USP8: variants seen among roughly 807,000 people sequenced by gnomAD.
USP8 encodes ubiquitin carboxyl-terminal hydrolase 8.
In USP8, 27 loss-of-function variants were observed where a neutral mutation model predicts 130.0. That is an observed-to-expected ratio of 0.21 (90% CI 0.15 to 0.29). The LOEUF is 0.29. Among genes scored for constraint, USP8 ranks in the 10% least tolerant of loss-of-function variants. The pLI, the probability that USP8 is intolerant of heterozygous loss-of-function variation, is 1.00. For missense variants in USP8, 1,029 were observed against 1,312.2 expected, an observed-to-expected ratio of 0.78 and a Z score of 3.33; for synonymous variants, 392 against 444.1, an observed-to-expected ratio of 0.88 and a Z score of 1.48.
At chr15:50,452,461 G>A (rs1044632443) in intron 4 of USP8, among the ~76,000 whole-genome samples, 5 of 152,144 alleles carry the variant, frequency 3.3e-5, no homozygotes, top group African/African-American at 1.2e-4. Context: ...TCCAAGGTAG[G>A]GGGTAAGGTG....
Position 50,494,245 on chromosome 15 carries a change from T to C in USP8, c.2623T>C (p.Phe875Leu). The C allele has an allele frequency of 6.2e-7, 1 of 1,611,642 alleles. No individual in the cohort carries two copies. Among genetic ancestry groups the C allele is most frequent in the Non-Finnish European group, 8.5e-7 (1 of 1,179,494 alleles). Reference protein sequence around the residue: ...SQQDSQELLLFLMDGLHEDLN... With the variant: ...SQQDSQELLLLLMDGLHEDLN... Reference sequence around the variant, plus strand: ...GCAAGATTCACAAGAATTGCTTCTGTTCCTAATGGATGGTCTCCATGAAGA... The same window carrying C: ...GCAAGATTCACAAGAATTGCTTCTGCTCCTAATGGATGGTCTCCATGAAGA... Residue 875 changes from phenylalanine to leucine, a missense_variant, in exon 16 of 20, where the codon TTC (phenylalanine) becomes CTC (leucine). By Grantham distance (22) the Phe-to-Leu change is conservative. Transcript: ENST00000307179.
At chr15:50,447,515 A>G (rs142515173) in intron 3 of USP8, among the ~76,000 whole-genome samples, 5 of 151,772 alleles carry the variant, frequency 3.3e-5, no homozygotes, top group African/African-American at 1.2e-4. Flanking sequence ...TGCTGGGATT[A>G]CATGTGTGAG....
rs1252709211 is a variant in USP8, at chr15:50,439,110, C to G, written c.37C>G (p.Leu13Val). The G allele has an allele frequency of 1.9e-6, 3 of 1,599,970 alleles. No individual in the cohort carries two copies. The highest frequency in any genetic ancestry group is 1.4e-5 in the African/African-American group (1 of 73,922). ...GGCTTCAGTTCCTAAAGAACTCTAC[C>G]TCAGTTCTTCACTAAAAGACCTTAA... Reference protein sequence around the residue: ...AVASVPKELYLSSSLKDLNKK... With the variant: ...AVASVPKELYVSSSLKDLNKK... The change falls in exon 2 of 20, where the codon CTC (leucine) becomes GTC (valine). Residue 13 changes from leucine to valine, a missense_variant. Transcript: ENST00000307179.
intron 2 of USP8, among the ~76,000 whole-genome samples, chr15:50,439,663 A>G (rs1373250871): frequency 6.6e-6 from 1 of 151,236 alleles, no homozygotes; most frequent in Admixed American, 6.6e-5. Flanking sequence ...GGTGGCGCAC[A>G]TCTGTAATCC....
chr15:50,490,306 C>G lies in USP8; in HGVS notation c.2015C>G (p.Pro672Arg), dbSNP rs2141317326. Residue 672 changes from proline (P) to arginine (R), a missense_variant, in exon 14 of 20, where the codon CCC (proline) becomes CGC (arginine). Coordinates refer to ENST00000307179, the MANE Select transcript of USP8 (RefSeq NM_005154.5). Reference protein sequence around the residue: ...ITGTFRYYHSPTNTVHMYPPE... With the variant: ...ITGTFRYYHSRTNTVHMYPPE... Reference sequence around the variant, plus strand: ...GGAACCTTTCGTTATTATCATTCACCCACCAACACTGTTCATATGTACCCA... The same window carrying G: ...GGAACCTTTCGTTATTATCATTCACGCACCAACACTGTTCATATGTACCCA... The G allele has an allele frequency of 6.2e-7, 1 of 1,613,450 alleles. No individual in the cohort carries two copies. The highest frequency in any genetic ancestry group is 8.5e-7 in the Non-Finnish European group (1 of 1,179,856).
chr15:50,431,720 G>A (rs1026065824), intron 1 of USP8, among the ~76,000 whole-genome samples: 1 of 152,080 alleles, frequency 6.6e-6, no homozygotes, highest in Non-Finnish European at 1.5e-5. Context: ...GCAGTGGTGC[G>A]ATCTTGGCTC....
rs113169913 is a variant in USP8, at chr15:50,481,778, A to C, written c.1516A>C (p.Lys506Gln). ...AGAACAAGAACAAAAAGCCAAAAAG[A>C]AACAAGAAGCTGAAGAAAATGAAAT... Reference protein sequence around the residue: ...KEEQEQKAKKKQEAEENEITE... With the variant: ...KEEQEQKAKKQQEAEENEITE... The change falls in exon 11 of 20, where the codon AAA (lysine) becomes CAA (glutamine). Residue 506 changes from lysine to glutamine, a missense_variant. Transcript: ENST00000307179. 909 of 1,559,132 alleles carry C rather than the reference A, an allele frequency of 5.8e-4. 6 individuals are homozygous for C. In the African/African-American group the frequency reaches 0.012, roughly 20 times the overall value.
chr15:50,431,954 C>G (rs1024933861), intron 1 of USP8, among the ~76,000 whole-genome samples: 9 of 152,198 alleles, frequency 5.9e-5, no homozygotes, highest in African/African-American at 2.2e-4. Context: ...CCATGCCCAG[C>G]CAGATGTCCT....
chr15:50,497,313 T>TTTA (rs1461294865), intron 18 of USP8, 82 bp downstream of exon 18: 2 of 1,490,462 alleles, frequency 1.3e-6, no homozygotes, highest in African/African-American at 2.8e-5. Flanking sequence ...CTTGTTGTAC[T>TTTA]GCCTGCCATG....
At chr15:50,461,851 C>CAA (rs35159499) in intron 5 of USP8, among the ~76,000 whole-genome samples, 14 of 120,614 alleles carry the variant, frequency 1.2e-4, no homozygotes, top group South Asian at 1.0e-3. Context: ...GACTCCGTCT[C>CAA]AAAAAAAAAA....
intron 5 of USP8, among the ~76,000 whole-genome samples, chr15:50,461,726 G>T (rs889383084): frequency 2.0e-5 from 3 of 151,738 alleles, no homozygotes; most frequent in Admixed American, 1.3e-4. Context: ...GGTAGCACAC[G>T]CCTGTAATCC....
At chr15:50,464,927 G>A (rs1487219165) in intron 6 of USP8, 120 bp from the exon 7 acceptor site, 16 of 965,624 alleles carry the variant, frequency 1.7e-5, no homozygotes, top group Non-Finnish European at 2.1e-5. Flanking sequence ...TAAATATGTG[G>A]CATCCATATA....
intron 6 of USP8, among the ~76,000 whole-genome samples, chr15:50,462,913 CAA>C (rs2051058446): frequency 2.0e-5 from 3 of 151,796 alleles, no homozygotes; most frequent in Admixed American, 6.6e-5. Flanking sequence ...ATCCTGTGGT[CAA>C]AGACTAAATT....
At chr15:50,488,895 T>C (rs1045052647) in intron 12 of USP8, among the ~76,000 whole-genome samples, 2 of 151,890 alleles carry the variant, frequency 1.3e-5, no homozygotes, top group African/African-American at 4.8e-5. Context: ...TTTTAAAAAT[T>C]TTTTTATAGA....
Position 50,496,078 on chromosome 15 carries a change from A to G in USP8, c.2889A>G (p.Thr963=), listed in dbSNP as rs770305140. The G allele has an allele frequency of 3.7e-6, 6 of 1,603,964 alleles. No individual in the cohort carries two copies. In the Admixed American group the frequency reaches 5.1e-5, roughly 14 times the overall value. The change falls in exon 17 of 20, where the codon ACA becomes ACG. Residue 963 remains threonine (T), a synonymous_variant. Transcript: ENST00000307179. The part of the protein sequence containing the change: ...SLPLASTSKC[T]LQDCLRLFSK... ...CACTAGCATCCACAAGTAAATGTAC[A>G]TTACAGGTAAGTTTAAGAAGTAGAG... is the stretch of plus-strand genomic sequence containing the variant.
intron 7 of USP8, among the ~76,000 whole-genome samples, chr15:50,466,464 G>T (rs575435218): frequency 6.6e-6 from 1 of 151,960 alleles, no homozygotes; most frequent in African/African-American, 2.4e-5. Context: ...GTGAGGTGGC[G>T]TATGCCTATA....
chr15:50,452,228 C>T (rs1429871941), intron 4 of USP8, among the ~76,000 whole-genome samples: 1 of 152,222 alleles, frequency 6.6e-6, no homozygotes, highest in East Asian at 1.9e-4. Context: ...ATAACATAGA[C>T]TTAATCCATT....
At chr15:50,461,004 T>A (rs1280976630) in intron 5 of USP8, among the ~76,000 whole-genome samples, 3 of 151,810 alleles carry the variant, frequency 2.0e-5, no homozygotes, top group Non-Finnish European at 2.9e-5. Flanking sequence ...AAACTTTTTT[T>A]TTTTTGAGAT....
intron 3 of USP8, 56 bp from the exon 4 acceptor site, chr15:50,449,344 G>A (rs531350034): frequency 7.1e-6 from 8 of 1,120,698 alleles, no homozygotes; most frequent in Non-Finnish European, 8.9e-6. Flanking sequence ...TTTAACACTA[G>A]TGTCACATGC....
Sources: gnomAD v4.1 joint callset for allele counts (sites outside exome capture counted in the v4.1 genomes callset) on GRCh38, gnomAD v4.1.1 for gene constraint, MANE v1.5 for transcripts, NCBI Gene and HGNC (gene_info 2026-07-23, HGNC 2026-07-21) for gene names.